The following RC3H1 variants were observed in gnomAD, a reference collection of about 807,000 sequenced individuals.
RC3H1 encodes the protein roquin-1.
In RC3H1, 50 loss-of-function variants were observed where a neutral mutation model predicts 138.2. That is an observed-to-expected ratio of 0.36 (90% CI 0.29 to 0.46). The LOEUF (loss-of-function observed/expected upper bound fraction) is 0.46, where lower values mean the gene tolerates loss of function less well. RC3H1 is among the 20% of genes least tolerant of loss of function. The pLI, the probability that RC3H1 is intolerant of heterozygous loss-of-function variation, is 1.00. For synonymous variants in RC3H1, 462 were observed against 489.1 expected (o/e 0.94, Z 0.73); for missense variants, 1,031 against 1,388.1 (o/e 0.74, Z 4.09).
At chr1:173,988,938 A>G (rs1661146446) in intron 2 of RC3H1, among the ~76,000 whole-genome samples, 2 of 152,218 alleles carry the variant, frequency 1.3e-5, no homozygotes, top group South Asian at 4.1e-4. Context: ...TATTCTACAT[A>G]TAAGTCTTTA....
chr1:173,961,009 C>G (rs926296458), intron 13 of RC3H1, 68 bp downstream of exon 13: 2 of 1,481,192 alleles, frequency 1.4e-6, no homozygotes, highest in Non-Finnish European at 1.8e-6. Flanking sequence ...TGGGAATAGG[C>G]AAAGATGACT....
intron 14 of RC3H1, among the ~76,000 whole-genome samples, chr1:173,948,247 G>T (rs926402068): frequency 3.3e-5 from 5 of 152,096 alleles, no homozygotes; most frequent in African/African-American, 2.4e-5. Context: ...ATTTGAACTG[G>T]TAAGTCCCTT....
chr1:174,015,881 TG>T (rs1661853620), intron 1 of RC3H1: 1 of 152,170 alleles, frequency 6.6e-6, no homozygotes, highest in Non-Finnish European at 1.5e-5. Context: ...TTTTTATTTT[TG>T]TATTTGTTGA....
At chr1:173,985,713 T>C (rs1661000489) in intron 2 of RC3H1, among the ~76,000 whole-genome samples, 1 of 152,122 alleles carries the variant, frequency 6.6e-6, no homozygotes, top group Non-Finnish European at 1.5e-5. Flanking sequence ...TTCTGTGCAA[T>C]AGATCACTAA....
At chr1:173,976,426 T>G (rs1660586954) in intron 7 of RC3H1, among the ~76,000 whole-genome samples, 1 of 149,838 alleles carries the variant, frequency 6.7e-6, no homozygotes, top group African/African-American at 2.5e-5. Context: ...GCCTCCAGCC[T>G]GGGGGACAGA....
At position 174,006,571 on chromosome 1, in the gene RC3H1, T is replaced by C. The variant is rs75336078; in HGVS notation, c.-150-13436A>G. On this transcript the variant is annotated intron_variant, in intron 1 of 19. Coordinates refer to ENST00000367696, the MANE Select transcript of RC3H1 (RefSeq NM_172071.4). ...ACTATAACACCATGCCTTCCAACTT[T>C]GAGCACTTGTAACTTTTTATTATAC... 3.1e-3 allele frequency among the ~76,000 whole-genome samples: 473 copies of C among 152,338 alleles called. 17 individuals are homozygous for C. The East Asian group carries it at 0.084, about 27-fold the overall frequency.
chr1:174,018,339 G>GT (rs2103116092), intron 1 of RC3H1, among the ~76,000 whole-genome samples: 1 of 152,150 alleles, frequency 6.6e-6, no homozygotes, highest in South Asian at 2.1e-4. Context: ...CTAATAAGAA[G>GT]TATCTAATAA....
intron 18 of RC3H1, among the ~76,000 whole-genome samples, chr1:173,942,441 A>AAAG (rs1658922471): frequency 6.7e-6 from 1 of 149,724 alleles, no homozygotes; most frequent in African/African-American, 2.5e-5. Flanking sequence ...AAAAAAAAAA[A>AAAG]AAAAAAAAAG....
At chr1:174,013,270 G>C (rs531388951) in intron 1 of RC3H1, among the ~76,000 whole-genome samples, 4 of 152,188 alleles carry the variant, frequency 2.6e-5, no homozygotes, top group African/African-American at 9.6e-5. Context: ...CTCCATGAGA[G>C]TGAATGGAAG....
chr1:174,017,209 G>T (rs956727913), intron 1 of RC3H1, among the ~76,000 whole-genome samples: 2 of 152,154 alleles, frequency 1.3e-5, no homozygotes, highest in Non-Finnish European at 2.9e-5. Context: ...AGGCAAACAA[G>T]TTCTAGATAG....
chr1:174,016,720 A>C (rs1037752725), intron 1 of RC3H1, among the ~76,000 whole-genome samples: 9 of 152,026 alleles, frequency 5.9e-5, no homozygotes, highest in African/African-American at 2.2e-4. Context: ...GTTTCTCATA[A>C]ATTTTAAGAT....
In RC3H1 at chr1:173,946,576, T is replaced by C. The variant is rs1303300886; in HGVS notation, c.2861A>G (p.His954Arg). The C allele has an allele frequency of 6.2e-7, 1 of 1,614,142 alleles. No individual in the cohort carries two copies. The highest frequency in any genetic ancestry group is 1.7e-5 in the Admixed American group (1 of 60,014). The change falls in exon 17 of 20, where the codon CAT becomes CGT. Residue 954 changes from histidine (H) to arginine (R), a missense_variant. Coordinates refer to ENST00000367696, the MANE Select transcript of RC3H1 (RefSeq NM_172071.4). ...ERISMSEVAS[H>R]GKPLPSAERE... ...CTCAGCAGATGGAAGGGGTTTTCCA[T>C]GACTGGCCACTTCTGACATAGATAT...
chr1:173,983,300 G>A, intron 4 of RC3H1, 118 bp downstream of exon 4: 1 of 1,241,822 alleles, frequency 8.1e-7, no homozygotes, highest in Non-Finnish European at 1.1e-6. Context: ...CATCAAACAA[G>A]ATATTAGTTG....
intron 9 of RC3H1, among the ~76,000 whole-genome samples, chr1:173,969,684 A>G (rs1372211361): frequency 6.6e-6 from 1 of 151,868 alleles, no homozygotes; most frequent in African/African-American, 2.4e-5. Flanking sequence ...CCTGGGCAAC[A>G]TAGGGAGACC....
At chr1:173,974,889 G>T (rs1192712969) in intron 7 of RC3H1, among the ~76,000 whole-genome samples, 1 of 152,122 alleles carries the variant, frequency 6.6e-6, no homozygotes, top group Non-Finnish European at 1.5e-5. Flanking sequence ...TAGCAGTGAA[G>T]GTAAATGGAT....
At chr1:173,940,834 T>G (rs939159310) in intron 19 of RC3H1, among the ~76,000 whole-genome samples, 2 of 151,894 alleles carry the variant, frequency 1.3e-5, no homozygotes, top group Admixed American at 6.6e-5. Context: ...ATTCTTTTTT[T>G]TTTTTTGAGA....
At chr1:173,998,337 G>A (rs1661502173) in intron 1 of RC3H1, among the ~76,000 whole-genome samples, 1 of 152,124 alleles carries the variant, frequency 6.6e-6, no homozygotes, top group Non-Finnish European at 1.5e-5. Context: ...GAGTGACACT[G>A]CTGCTCAAGT....
chr1:173,993,016 A>G lies in RC3H1; in HGVS notation c.-31T>C, dbSNP rs201829159. On this transcript the variant is annotated 5_prime_UTR_variant, in exon 2 of 20. Coordinates refer to ENST00000367696, the MANE Select transcript of RC3H1 (RefSeq NM_172071.4). Reference sequence around the variant, plus strand: ...CTGGAGTTACAATTCACGAACACAAACACACACACAAATCTAAAGCAAAGA... The same window carrying G: ...CTGGAGTTACAATTCACGAACACAAGCACACACACAAATCTAAAGCAAAGA... The G allele has an allele frequency of 4.5e-5, 64 of 1,434,748 alleles. No homozygotes were observed. Among genetic ancestry groups the G allele is most frequent in the Non-Finnish European group, 6.0e-5 (61 of 1,017,632 alleles). The allele number at this position is 1,434,748 out of a possible 1,614,324, so 88.9% of individuals were successfully genotyped here.
intron 11 of RC3H1, among the ~76,000 whole-genome samples, chr1:173,962,800 G>A (rs916464513): frequency 1.3e-5 from 2 of 152,046 alleles, no homozygotes; most frequent in Admixed American, 6.6e-5. Flanking sequence ...ATTGAAAACA[G>A]GCTACAAAAA....
Sources: allele counts gnomAD v4.1 joint callset (sites outside exome capture counted in the v4.1 genomes callset), GRCh38; gene constraint gnomAD v4.1.1; transcripts MANE v1.5; gene names NCBI Gene and HGNC (gene_info 2026-07-23, HGNC 2026-07-21).